CCDC141: variants seen among roughly 807,000 people sequenced by gnomAD.
CCDC141 encodes the protein coiled-coil domain-containing protein 141.
Under a neutral mutation model 181.0 loss-of-function variants are expected in CCDC141, and 168 were observed. That is an observed-to-expected ratio of 0.93 (90% CI 0.82 to 1.05). CCDC141 has a LOEUF of 1.05. CCDC141 is among the 50% of genes least tolerant of loss of function. The pLI, the probability that CCDC141 is intolerant of heterozygous loss-of-function variation, is 0.00. For synonymous variants in CCDC141, 666 were observed against 642.3 expected, an observed-to-expected ratio of 1.04 and a Z score of -0.56; for missense variants, 1,902 against 1,788.5, an observed-to-expected ratio of 1.06 and a Z score of -1.14.
intron 2 of CCDC141, among the ~76,000 whole-genome samples, chr2:179,036,744 C>A (rs1189369784): frequency 6.6e-6 from 1 of 152,212 alleles, no homozygotes; most frequent in Non-Finnish European, 1.5e-5. Context: ...GTTCCAGTCA[C>A]CTTCTTCAAA....
chr2:178,869,522 G>T (rs564266828), intron 14 of CCDC141, among the ~76,000 whole-genome samples: 4 of 152,156 alleles, frequency 2.6e-5, no homozygotes, highest in Non-Finnish European at 5.9e-5. Flanking sequence ...AAAATAGCAT[G>T]AGCAATGCAA....
At position 179,050,111 on chromosome 2, in the gene CCDC141, T is replaced by C; in HGVS notation, c.-170A>G. On this transcript the variant is annotated 5_prime_UTR_variant, in exon 1 of 24. Transcript: ENST00000443758. Reference sequence around the variant, plus strand: ...GGAGGTTAAAAATAGACAACCCCATTGAGTTTATCGTGAGAGAGAAAGGAG... The same window carrying C: ...GGAGGTTAAAAATAGACAACCCCATCGAGTTTATCGTGAGAGAGAAAGGAG... The C allele has an allele frequency of 2.0e-6, 2 of 1,017,052 alleles. No homozygotes were observed. Among genetic ancestry groups the C allele is most frequent in the South Asian group, 2.0e-5 (1 of 50,368 alleles). The allele number at this position is 1,017,052 out of a possible 1,614,324, so 63.0% of individuals were successfully genotyped here.
At chr2:179,034,204 G>A (rs1432564448) in intron 2 of CCDC141, among the ~76,000 whole-genome samples, 1 of 152,162 alleles carries the variant, frequency 6.6e-6, no homozygotes, top group African/African-American at 2.4e-5. Context: ...TGACATAGAT[G>A]GAGCTGGAGG....
intron 8 of CCDC141, among the ~76,000 whole-genome samples, chr2:178,892,650 A>G (rs1687211506): frequency 6.6e-6 from 1 of 152,310 alleles, no homozygotes; most frequent in Non-Finnish European, 1.5e-5. Context: ...CATGCATATT[A>G]ACAATTTCCT....
chr2:178,997,781 ACAATT>A (rs1651949622), intron 2 of CCDC141, among the ~76,000 whole-genome samples: 1 of 152,138 alleles, frequency 6.6e-6, no homozygotes, highest in Non-Finnish European at 1.5e-5. Flanking sequence ...TTAGAGCTAT[ACAATT>A]CTTTTAGCAA....
chr2:179,015,214 A>ATATCTCATC (rs1553502834), intron 2 of CCDC141, among the ~76,000 whole-genome samples: 1 of 126,232 alleles, frequency 7.9e-6, no homozygotes, highest in Non-Finnish European at 1.7e-5. Flanking sequence ...TATATATCAT[A>ATATCTCATC]TATCTCATAT....
At chr2:178,981,634 G>GTATATATATATATA (rs1398463319) in intron 2 of CCDC141, among the ~76,000 whole-genome samples, 1 of 12,088 alleles carries the variant, frequency 8.3e-5, no homozygotes, top group Admixed American at 1.8e-3. Flanking sequence ...ATGTGTGTGT[G>GTATATATATATATA]TGTATATATA....
At position 178,989,033 on chromosome 2, in the gene CCDC141, T is replaced by A. The variant is rs182877967; in HGVS notation, c.226-10358A>T. On this transcript the variant is annotated intron_variant, in intron 2 of 23. Coordinates refer to ENST00000443758, the MANE Select transcript of CCDC141 (RefSeq NM_173648.4). The stretch of plus-strand genomic sequence containing the variant: ...GTATCAGTGATCTCAATGTAAAAGC[T>A]AAAACTATAAAATTTTTAGAAGAAT... 1.9e-3 allele frequency among the ~76,000 whole-genome samples: 288 copies of A among 152,320 alleles called. 2 individuals carry two copies. The highest frequency in any genetic ancestry group is 6.7e-3 in the African/African-American group (279 of 41,580).
intron 17 of CCDC141, among the ~76,000 whole-genome samples, chr2:178,864,303 GAATAGCTTCCATAAC>G (rs1156252019): frequency 5.9e-5 from 9 of 152,140 alleles, no homozygotes; most frequent in Non-Finnish European, 1.0e-4. Context: ...GACTGTAAAG[GAATAGCTTCCATAAC>G]CATGAATCCA....
At position 178,837,018 on chromosome 2, in the gene CCDC141, C is replaced by T. The variant is rs376103810; in HGVS notation, c.4201G>A (p.Val1401Met). The change falls in exon 23 of 24, where the codon GTG becomes ATG. Residue 1401 changes from valine to methionine, a missense_variant. Physicochemically the swap from Val to Met is conservative, Grantham distance 21 (BLOSUM62 1). Transcript: ENST00000443758. Reference sequence around the variant, plus strand: ...GGTGCCTGGTCAGCTAGGCTGACCACGCTGCTCTTTGCTGATGTGCTTTTA... The same window carrying T: ...GGTGCCTGGTCAGCTAGGCTGACCATGCTGCTCTTTGCTGATGTGCTTTTA... ...EIKSTSAKSSVVSLADQAPNF... is the reference protein window; with the variant it reads ...EIKSTSAKSSMVSLADQAPNF... 33 of 1,613,866 alleles carry T rather than the reference C, an allele frequency of 2.0e-5. No individual in the cohort carries two copies. Among genetic ancestry groups the T allele is most frequent in the Middle Eastern group, 1.6e-4 (1 of 6,070 alleles).
At chr2:178,844,605 C>T (rs1684858748) in intron 22 of CCDC141, among the ~76,000 whole-genome samples, 1 of 152,190 alleles carries the variant, frequency 6.6e-6, no homozygotes, top group African/African-American at 2.4e-5. Flanking sequence ...GTTTGCTTAA[C>T]ACTACTTGCT....
At chr2:178,872,040 C>T (rs1402689140) in intron 13 of CCDC141, 93 bp downstream of exon 13, 4 of 1,245,620 alleles carry the variant, frequency 3.2e-6, no homozygotes, top group Non-Finnish European at 4.5e-6. Flanking sequence ...TTGTGTTTGG[C>T]TTATTTCACT....
chr2:178,973,170 C>G (rs1228763196), intron 4 of CCDC141, among the ~76,000 whole-genome samples: 1 of 152,048 alleles, frequency 6.6e-6, no homozygotes, highest in Middle Eastern at 3.2e-3. Flanking sequence ...TAATCATATC[C>G]CATGGAATTA....
chr2:178,910,719 C>T lies in CCDC141; in HGVS notation c.1093-5218G>A, dbSNP rs375827121. Among the ~76,000 whole-genome samples the T allele has an allele frequency of 6.6e-5, 10 of 152,360 alleles. No individual in the cohort carries two copies. In the South Asian group the frequency reaches 2.1e-3, roughly 32 times the overall value. On this transcript the variant is annotated intron_variant, in intron 7 of 23. Coordinates refer to ENST00000443758, the MANE Select transcript of CCDC141 (RefSeq NM_173648.4). ...AGCTCCCAATATTTGCTGTCCTCTG[C>T]TGCAGCTCCAGCTTATTCCTTGCCT...
chr2:178,837,267 C>T lies in CCDC141; in HGVS notation c.3952G>A (p.Glu1318Lys). 6.2e-7 allele frequency: 1 copy of T among 1,614,086 alleles called. No homozygotes were observed. The highest frequency in any genetic ancestry group is 8.5e-7 in the Non-Finnish European group (1 of 1,179,988). Residue 1318 changes from glutamate (E) to lysine (K), a missense_variant, in exon 23 of 24, where the codon GAA becomes AAA. Transcript: ENST00000443758. Reference sequence around the variant, plus strand: ...TCACTCATCATGCTCTCTGGATGTTCAGCACTGATTCTGTGTAAGGCAGTA... The same window carrying T: ...TCACTCATCATGCTCTCTGGATGTTTAGCACTGATTCTGTGTAAGGCAGTA... Reference protein sequence around the residue: ...KSTALHRISAEHPESMMSEVH... With the variant: ...KSTALHRISAKHPESMMSEVH...
Position 178,871,386 on chromosome 2 carries a change from A to AT in CCDC141, c.2205+40dup, listed in dbSNP as rs753920550. 2.5e-6 allele frequency: 4 copies of AT among 1,590,634 alleles called. No individual in the cohort carries two copies. The African/African-American group carries it at 4.1e-5, about 16-fold the overall frequency. The stretch of plus-strand genomic sequence containing the variant: ...AAACTGCAACCAAACAGTTTTAAGT[A>AT]TTTTTTCCATTCACCCAAATCCAGC... On this transcript the variant is annotated intron_variant, in intron 14 of 23. Coordinates refer to ENST00000443758, the MANE Select transcript of CCDC141 (RefSeq NM_173648.4).
intron 4 of CCDC141, among the ~76,000 whole-genome samples, chr2:178,963,224 T>C (rs1209336073): frequency 2.0e-5 from 3 of 152,038 alleles, no homozygotes; most frequent in African/African-American, 7.2e-5. Flanking sequence ...GAGAAGAAGA[T>C]TTTGGGTTTT....
chr2:178,989,829 T>TAAAAA (rs71023463), intron 2 of CCDC141, among the ~76,000 whole-genome samples: 2 of 81,398 alleles, frequency 2.5e-5, no homozygotes, highest in African/African-American at 4.9e-5. Flanking sequence ...GCTATAATCT[T>TAAAAA]AAAAAAAAAA....
At chr2:179,049,491 C>A (rs2043606481) in intron 1 of CCDC141, among the ~76,000 whole-genome samples, 1 of 152,104 alleles carries the variant, frequency 6.6e-6, no homozygotes, top group South Asian at 2.1e-4. Context: ...ACTCTTTAGT[C>A]AGGCAATCAT....
Sources: gnomAD v4.1 joint callset for allele counts (sites outside exome capture counted in the v4.1 genomes callset) on GRCh38, gnomAD v4.1.1 for gene constraint, MANE v1.5 for transcripts, NCBI Gene and HGNC (gene_info 2026-07-23, HGNC 2026-07-21) for gene names.